The following CTNNA2 variants were observed in gnomAD, a reference collection of about 807,000 sequenced individuals.
CTNNA2 encodes catenin alpha-2.
CTNNA2 carries 42 observed loss-of-function variants against 101.0 expected under a neutral mutation model. That is an observed-to-expected ratio of 0.42 (90% CI 0.32 to 0.54). The LOEUF (loss-of-function observed/expected upper bound fraction) is 0.54. Ranked by LOEUF, CTNNA2 falls within the 20% of genes least tolerant of loss-of-function variation. The pLI, the probability that CTNNA2 is intolerant of heterozygous loss-of-function variation, is 0.14. For missense variants in CTNNA2, 871 were observed against 1,223.1 expected, an observed-to-expected ratio of 0.71 and a Z score of 4.29; for synonymous variants, 450 against 456.4, an observed-to-expected ratio of 0.99 and a Z score of 0.18.
chr2:79,327,966 A>G (rs535874237), intron 3 of CTNNA2, among the ~76,000 whole-genome samples: 2 of 147,858 alleles, frequency 1.4e-5, no homozygotes, highest in Admixed American at 1.3e-4. Context: ...TGCCCTGGGC[A>G]TGGGGTTGCG....
At chr2:80,295,918 G>C (rs765358939) in intron 7 of CTNNA2, among the ~76,000 whole-genome samples, 1 of 152,216 alleles carries the variant, frequency 6.6e-6, no homozygotes, top group Middle Eastern at 3.4e-3. Context: ...TTGCCTGTCT[G>C]TCCCCAGATG....
At chr2:79,467,269 G>T (rs556505326) in intron 4 of CTNNA2, among the ~76,000 whole-genome samples, 6 of 152,124 alleles carry the variant, frequency 3.9e-5, no homozygotes, top group Non-Finnish European at 7.3e-5. Context: ...CTGGAAGAAA[G>T]GGTATCAGTG....
intron 1 of CTNNA2, among the ~76,000 whole-genome samples, chr2:79,192,263 G>A (rs551395051): frequency 9.8e-4 from 149 of 152,226 alleles, no homozygotes; most frequent in African/African-American, 3.2e-3. Flanking sequence ...TTGGTCAGGG[G>A]AATTAAGATT....
rs75061728 is a variant in CTNNA2 at position 80,175,583 on chromosome 2, C to T, written c.1057-217628C>T. 5.1e-3 allele frequency among the ~76,000 whole-genome samples: 782 copies of T among 152,280 alleles called. 10 individuals are homozygous for T. The highest frequency in any genetic ancestry group is 0.017 in the African/African-American group (725 of 41,540). ...ACTGTGCTTCCAAATAAGATTCCTG[C>T]TCTCTCATGTTGTATTAGTTTGGGT... On this transcript the variant is annotated intron_variant, in intron 7 of 18. Coordinates refer to ENST00000402739, the MANE Select transcript of CTNNA2 (RefSeq NM_001282597.3).
intron 9 of CTNNA2, among the ~76,000 whole-genome samples, chr2:80,543,657 G>T (rs143582214): frequency 6.6e-6 from 1 of 152,296 alleles, no homozygotes; most frequent in East Asian, 1.9e-4. Flanking sequence ...GACTTATAAA[G>T]ATGCCCAGTG....
chr2:80,288,240 A>C (rs1344622953), intron 7 of CTNNA2: 2 of 152,198 alleles, frequency 1.3e-5, no homozygotes, highest in Non-Finnish European at 2.9e-5. Context: ...TTGCTGTTAG[A>C]AAATTGCTTT....
rs76528024 is a variant in CTNNA2, at chr2:79,848,035, T to G, written c.299-9978T>G. Reference sequence around the variant, plus strand: ...GGTTGTAGGAGAATACAGGTACTGATCAATAGAAACATTTATTGACTTAAG... The same window carrying G: ...GGTTGTAGGAGAATACAGGTACTGAGCAATAGAAACATTTATTGACTTAAG... On this transcript the variant is annotated intron_variant, in intron 3 of 18. Transcript: ENST00000402739. 9.8e-3 allele frequency among the ~76,000 whole-genome samples: 1,487 copies of G among 152,308 alleles called. 57 individuals carry two copies. The highest frequency in any genetic ancestry group is 0.069 in the Admixed American group (1,056 of 15,298).
At chr2:79,962,318 A>G (rs926988931) in intron 7 of CTNNA2, among the ~76,000 whole-genome samples, 1 of 152,226 alleles carries the variant, frequency 6.6e-6, no homozygotes, top group African/African-American at 2.4e-5. Flanking sequence ...GAAGGGCAAG[A>G]TAGCTTTCTG....
intron 9 of CTNNA2, among the ~76,000 whole-genome samples, chr2:80,425,737 T>G (rs1440002336): frequency 6.6e-6 from 1 of 152,158 alleles, no homozygotes; most frequent in Non-Finnish European, 1.5e-5. Context: ...TGTGTGCCAT[T>G]TTTTCCAAGT....
chr2:79,915,069 C>T lies in CTNNA2; in HGVS notation c.1056+5272C>T, dbSNP rs79588865. On this transcript the variant is annotated intron_variant, in intron 7 of 18. Coordinates refer to ENST00000402739, the MANE Select transcript of CTNNA2 (RefSeq NM_001282597.3). Reference sequence around the variant, plus strand: ...CTATACACAGCAAGCCTCCAGCATGCTGTTCCACAACACTAGATGAGTAAT... The same window carrying T: ...CTATACACAGCAAGCCTCCAGCATGTTGTTCCACAACACTAGATGAGTAAT... Among the ~76,000 whole-genome samples, 2,591 of 152,086 alleles carry T rather than the reference C, an allele frequency of 0.017. 205 individuals carry two copies. In the East Asian group the frequency reaches 0.24, roughly 14 times the overall value.
At chr2:80,231,897 C>G (rs1709235308) in intron 7 of CTNNA2, among the ~76,000 whole-genome samples, 1 of 152,118 alleles carries the variant, frequency 6.6e-6, no homozygotes. Flanking sequence ...TTTTAAAGGT[C>G]TAAATAGAAA....
At chr2:79,475,036 A>C (rs570279564) in intron 4 of CTNNA2, among the ~76,000 whole-genome samples, 1 of 152,340 alleles carries the variant, frequency 6.6e-6, no homozygotes, top group Admixed American at 6.5e-5. Context: ...TGAGTATAAA[A>C]ATGTATGAAT....
chr2:79,629,957 G>C (rs1361235599), intron 1 of CTNNA2, among the ~76,000 whole-genome samples: 1 of 152,090 alleles, frequency 6.6e-6, no homozygotes, highest in Admixed American at 6.6e-5. Flanking sequence ...AAAGCAGCCA[G>C]CTCCTTTCTT....
At chr2:79,807,308 T>C (rs971434350) in intron 3 of CTNNA2, among the ~76,000 whole-genome samples, 3 of 152,190 alleles carry the variant, frequency 2.0e-5, no homozygotes, top group Admixed American at 6.5e-5. Context: ...AAATCCTCTT[T>C]CTTTATTGTT....
chr2:79,958,967 G>C (rs1180992359), intron 7 of CTNNA2, among the ~76,000 whole-genome samples: 3 of 152,142 alleles, frequency 2.0e-5, no homozygotes, highest in Admixed American at 6.5e-5. Flanking sequence ...CCAAAGGTTT[G>C]ATATTTGGCA....
chr2:80,527,892 C>A (rs183676530), intron 9 of CTNNA2, among the ~76,000 whole-genome samples: 72 of 152,320 alleles, frequency 4.7e-4, no homozygotes, highest in Admixed American at 2.2e-3. Flanking sequence ...AAAATGCCCA[C>A]GTCTTGTCCA....
intron 7 of CTNNA2, among the ~76,000 whole-genome samples, chr2:80,227,660 G>A (rs1322582828): frequency 6.6e-6 from 1 of 152,140 alleles, no homozygotes; most frequent in East Asian, 1.9e-4. Flanking sequence ...ATGTGCACAG[G>A]GCAGCCTCCC....
intron 7 of CTNNA2, among the ~76,000 whole-genome samples, chr2:80,314,304 T>C (rs1039714424): frequency 6.6e-6 from 1 of 152,212 alleles, no homozygotes; most frequent in Non-Finnish European, 1.5e-5. Context: ...TCTAATTTAT[T>C]ACAACTGAAT....
chr2:79,969,029 G>A (rs1180692764), intron 7 of CTNNA2, among the ~76,000 whole-genome samples: 1 of 152,046 alleles, frequency 6.6e-6, no homozygotes, highest in East Asian at 1.9e-4. Context: ...GTAGGCTCAG[G>A]GTAAGCAGTT....
Sources: allele counts gnomAD v4.1 joint callset (sites outside exome capture counted in the v4.1 genomes callset), GRCh38; gene constraint gnomAD v4.1.1; transcripts MANE v1.5; gene names NCBI Gene and HGNC (gene_info 2026-07-23, HGNC 2026-07-21).